Variants in KLHL13 observed in about 807,000 individuals in gnomAD.
KLHL13 encodes the protein kelch-like protein 13.
Under a neutral mutation model 37.1 loss-of-function variants are expected in KLHL13, and 10 were observed. The observed-to-expected ratio is 0.27, with a 90% confidence interval of 0.17 to 0.46. KLHL13 has a LOEUF of 0.46. Ranked by LOEUF, KLHL13 falls within the 20% of genes least tolerant of loss-of-function variation. The pLI is 1.00. For missense variants in KLHL13, 360 were observed against 509.3 expected, an observed-to-expected ratio of 0.71 and a Z score of 2.82; for synonymous variants, 163 against 181.2, an observed-to-expected ratio of 0.90 and a Z score of 0.81.
At chrX:118,109,219 G>A (rs1045555283) in intron 1 of KLHL13, among the ~76,000 whole-genome samples, 21 of 111,839 alleles carry the variant, frequency 1.9e-4, no homozygotes, top group Admixed American at 1.5e-3. Flanking sequence ...CTCAACACAT[G>A]TTTAGATTTA....
intron 1 of KLHL13, among the ~76,000 whole-genome samples, chrX:118,011,620 GACTA>G (rs1377481849): frequency 3.6e-5 from 4 of 111,354 alleles, no homozygotes; most frequent in Non-Finnish European, 7.5e-5. Context: ...TGGACTTAGA[GACTA>G]ACTGAGTGTG....
At chrX:118,044,489 C>T (rs2054537583) in intron 1 of KLHL13, among the ~76,000 whole-genome samples, 1 of 105,262 alleles carries the variant, frequency 9.5e-6, no homozygotes, top group Non-Finnish European at 1.9e-5. Flanking sequence ...TCAAATTATA[C>T]TCTAGAGCTA....
At chrX:118,099,144 A>C (rs965048796) in intron 1 of KLHL13, among the ~76,000 whole-genome samples, 1 of 111,336 alleles carries the variant, frequency 9.0e-6, no homozygotes, top group Non-Finnish European at 1.9e-5. Flanking sequence ...ACTTTATTAA[A>C]TGCTTTTAAT....
At chrX:117,920,179 T>A in intron 3 of KLHL13, 59 bp downstream of exon 4, 1 of 1,122,122 alleles carries the variant, frequency 8.9e-7, no homozygotes, top group African/African-American at 1.8e-5. Context: ...AAAAAAGATT[T>A]AAACACGGAT....
intron 5 of KLHL13, among the ~76,000 whole-genome samples, chrX:117,908,065 CATTATTTA>C (rs1386489450): frequency 1.0e-5 from 1 of 99,769 alleles, no homozygotes; most frequent in African/African-American, 3.9e-5. Context: ...ACTACAAGGA[CATTATTTA>C]TTTATTTATT....
chrX:117,975,177 T>TACACACACAC (rs760035096), upstream of KLHL13, among the ~76,000 whole-genome samples: 6 of 103,276 alleles, frequency 5.8e-5, no homozygotes, highest in African/African-American at 2.1e-4. Flanking sequence ...GAGAAATACA[T>TACACACACAC]ACACACACAC....
chrX:118,108,203 T>C (rs377453679), intron 1 of KLHL13, among the ~76,000 whole-genome samples: 1 of 112,160 alleles, frequency 8.9e-6, no homozygotes, highest in Non-Finnish European at 1.9e-5. Flanking sequence ...TTTTACTGAA[T>C]AGACTGTAAA....
intron 1 of KLHL13, among the ~76,000 whole-genome samples, chrX:117,980,517 C>A (rs201239515): frequency 9.0e-6 from 1 of 111,430 alleles, no homozygotes; most frequent in South Asian, 3.7e-4. Context: ...GTTAGAAGAT[C>A]ACCTGGTTAT....
chrX:118,047,618 G>A (rs1451618851), intron 1 of KLHL13, among the ~76,000 whole-genome samples: 6 of 111,659 alleles, frequency 5.4e-5, no homozygotes, highest in Non-Finnish European at 1.1e-4. Context: ...AATTACTTTC[G>A]CACCAACCAT....
At chrX:117,960,239 A>G (rs2053271286) in intron 1 of KLHL13, among the ~76,000 whole-genome samples, 1 of 110,551 alleles carries the variant, frequency 9.0e-6, no homozygotes, top group South Asian at 3.9e-4. Flanking sequence ...AAGTAAAAAT[A>G]ATAAATTAAA....
chrX:117,919,790 T>C, intron 3 of KLHL13, 73 bp from the exon 5 acceptor site: 3 of 757,987 alleles, frequency 4.0e-6, no homozygotes, highest in Non-Finnish European at 3.9e-6. Context: ...GCTAATTAGA[T>C]GCAATAAAAT....
At chrX:117,980,792 G>C (rs142852075) in intron 1 of KLHL13, among the ~76,000 whole-genome samples, 139 of 111,186 alleles carry the variant, frequency 1.3e-3, no homozygotes, top group African/African-American at 4.4e-3. Flanking sequence ...AAAATAAAAG[G>C]TTTTGACCAA....
chrX:118,034,123 C>A (rs899998126), intron 1 of KLHL13, among the ~76,000 whole-genome samples: 31 of 100,184 alleles, frequency 3.1e-4, no homozygotes, highest in South Asian at 1.3e-3. Context: ...GAGACTTAGA[C>A]TCCCACACAT....
intron 1 of KLHL13, among the ~76,000 whole-genome samples, chrX:118,046,823 A>C (rs1203788785): frequency 2.7e-5 from 3 of 112,009 alleles, no homozygotes; most frequent in African/African-American, 9.7e-5. Flanking sequence ...ATTGTGAGAT[A>C]AAAGCTAAAA....
intron 2 of KLHL13, among the ~76,000 whole-genome samples, chrX:117,921,615 C>T (rs1480733201): frequency 8.9e-6 from 1 of 111,986 alleles, no homozygotes; most frequent in African/African-American, 3.2e-5. Flanking sequence ...GCATTGATTA[C>T]TCTGTCCCCT....
Position 118,023,499 on chromosome X carries a change from T to C in KLHL13, c.-55-77924A>G, listed in dbSNP as rs749731691. Among the ~76,000 whole-genome samples, 7 of 112,175 alleles carry C rather than the reference T, an allele frequency of 6.2e-5. No homozygotes were observed. The South Asian group carries it at 2.2e-3, about 36-fold the overall frequency. On this transcript the variant is annotated intron_variant, in intron 1 of 6. Coordinates refer to the KLHL13 transcript ENST00000371882. ...TACATCTATGCATTCTATGAATAAC[T>C]TTCACGATCTTAAACCATTCTCATG...
intron 1 of KLHL13, among the ~76,000 whole-genome samples, chrX:117,954,081 A>G (rs932494723): frequency 1.8e-5 from 2 of 111,741 alleles, no homozygotes; most frequent in Non-Finnish European, 3.8e-5. Flanking sequence ...GAATTGGGCT[A>G]GACAAATGAT....
rs1475030635 is a variant in KLHL13 at position 117,947,766 on chromosome X, T to C, written c.99-2191A>G. The C allele has an allele frequency of 3.6e-5, 4 of 111,788 alleles. No individual in the cohort carries two copies. In the South Asian group the frequency reaches 1.1e-3, roughly 31 times the overall value. The allele number at this position is 111,788 out of a possible 1,213,427, so 9.2% of individuals were successfully genotyped here. On this transcript the variant is annotated intron_variant, in intron 1 of 6. Transcript: ENST00000262820. ...TCTGCTTTGGTAACAGTACATGCCA[T>C]GTTAACCTTCTTAGCAGATTCAATA...
chrX:117,905,753 C>T (rs1370731862), intron 5 of KLHL13, among the ~76,000 whole-genome samples: 1 of 110,863 alleles, frequency 9.0e-6, no homozygotes, highest in Non-Finnish European at 1.9e-5. Context: ...ATAATAATCA[C>T]ATCATAGAAG....
Sources: gnomAD v4.1 joint callset for allele counts (sites outside exome capture counted in the v4.1 genomes callset) on GRCh38, gnomAD v4.1.1 for gene constraint, MANE v1.5 for transcripts, NCBI Gene and HGNC (gene_info 2026-07-23, HGNC 2026-07-21) for gene names.